CHST10: variants seen among roughly 807,000 people sequenced by gnomAD.
The protein encoded by CHST10 is carbohydrate sulfotransferase 10.
Under a neutral mutation model 34.7 loss-of-function variants are expected in CHST10, and 24 were observed. That is an observed-to-expected ratio of 0.69 (90% CI 0.50 to 0.97). The LOEUF (loss-of-function observed/expected upper bound fraction) is 0.97, where lower values mean the gene tolerates loss of function less well. Ranked by LOEUF, CHST10 falls within the 50% of genes least tolerant of loss-of-function variation. The probability of loss-of-function intolerance (pLI) is 0.00; values close to 1 mark genes in which losing one functional copy is unlikely to be tolerated. For missense variants in CHST10, 402 were observed against 452.1 expected (o/e 0.89, Z 1.00); for synonymous variants, 161 against 169.3 (o/e 0.95, Z 0.38).
At chr2:100,406,292 G>A (rs1306052490) in intron 3 of CHST10, among the ~76,000 whole-genome samples, 1 of 152,206 alleles carries the variant, frequency 6.6e-6, no homozygotes, top group Admixed American at 6.5e-5. Context: ...GTGCTGCTGG[G>A]AGGAGACCCT....
At chr2:100,416,688 A>AAACAACAACAACAACAAC (rs140248946) in intron 1 of CHST10, 18 of 324,712 alleles carry the variant, frequency 5.5e-5, no homozygotes, top group African/African-American at 3.0e-4. Context: ...TTTTCAGACA[A>AAACAACAACAACAACAAC]AACAACAACA....
At chr2:100,407,223 G>C (rs1278550855) in intron 2 of CHST10, among the ~76,000 whole-genome samples, 2 of 152,196 alleles carry the variant, frequency 1.3e-5, no homozygotes, top group East Asian at 1.9e-4. Flanking sequence ...AAAAAGCAAA[G>C]GAATGAACAC....
In CHST10 at chr2:100,417,067, C is replaced by A. The variant is rs761398069; in HGVS notation, c.-104+307G>T. 3 of 1,303,826 alleles carry A rather than the reference C, an allele frequency of 2.3e-6. No homozygotes were observed. The South Asian group carries it at 3.7e-5, about 16-fold the overall frequency. The allele number at this position is 1,303,826 out of a possible 1,614,324, so 80.8% of individuals were successfully genotyped here. A position where few individuals can be genotyped will look rare whatever the true frequency, so the allele number is the denominator to read the frequency against. ...CAAGCTGAACCCTTTCTTCCTCTCT[C>A]CATCTACAATTACAAACGCAAATTC... On this transcript the variant is annotated intron_variant, in intron 1 of 6. Coordinates refer to ENST00000264249, the MANE Select transcript of CHST10 (RefSeq NM_004854.5).
chr2:100,415,724 G>GA (rs1676039226), intron 1 of CHST10: 1 of 152,262 alleles, frequency 6.6e-6, no homozygotes, highest in Non-Finnish European at 1.5e-5. Context: ...TATGTTGATT[G>GA]AAAGATTAAG....
chr2:100,415,094 T>C lies in CHST10; in HGVS notation c.-86A>G. ...TGCTGTGTTTCCCCTGAACTGAGGTTCTTGGTTCCTCTTGTCACTGGATAG... is the reference window on the plus strand; with the variant it reads ...TGCTGTGTTTCCCCTGAACTGAGGTCCTTGGTTCCTCTTGTCACTGGATAG... On this transcript the variant is annotated 5_prime_UTR_variant, in exon 2 of 7. Coordinates refer to ENST00000264249, the MANE Select transcript of CHST10 (RefSeq NM_004854.5). 7.7e-7 allele frequency: 1 copy of C among 1,301,584 alleles called. No individual in the cohort carries two copies. The highest frequency in any genetic ancestry group is 1.2e-5 in the South Asian group (1 of 80,136). The allele number at this position is 1,301,584 out of a possible 1,614,324, so 80.6% of individuals were successfully genotyped here.
chr2:100,402,464 G>T, intron 4 of CHST10, 100 bp downstream of exon 4: 1 of 866,664 alleles, frequency 1.2e-6, no homozygotes, highest in Non-Finnish European at 1.9e-6. Context: ...CTCTAACGCA[G>T]ACGTGATGAC....
Position 100,392,879 on chromosome 2 carries a change from ACCTCAGG to A in CHST10, c.*359_*365del. 8.6e-6 allele frequency: 2 copies of A among 233,044 alleles called. No individual in the cohort carries two copies. The highest frequency in any genetic ancestry group is 5.1e-5 in the Admixed American group (1 of 19,798). 14.4% of individuals were successfully genotyped at this position (233,044 alleles called of 1,614,324 possible). On this transcript the variant is annotated 3_prime_UTR_variant, in exon 7 of 7. Transcript: ENST00000264249. ...GAAGCCACCCTGACTAGCCAGGAGA[ACCTCAGG>A]GGCATCCCCTTCCTTAACACCTGAA...
intron 4 of CHST10, among the ~76,000 whole-genome samples, chr2:100,402,170 T>C (rs1023129925): frequency 5.9e-5 from 9 of 152,198 alleles, no homozygotes; most frequent in Non-Finnish European, 1.3e-4. Flanking sequence ...ATTTGGAGGC[T>C]GAATTAGTTG....
chr2:100,394,292 T>C (rs1558632594), intron 6 of CHST10, among the ~76,000 whole-genome samples: 2 of 152,086 alleles, frequency 1.3e-5, no homozygotes, highest in South Asian at 4.1e-4. Flanking sequence ...GGAGCAGGTC[T>C]GGGTGAGCTG....
intron 4 of CHST10, among the ~76,000 whole-genome samples, chr2:100,398,834 A>G (rs1276198604): frequency 6.6e-6 from 1 of 152,214 alleles, no homozygotes; most frequent in Non-Finnish European, 1.5e-5. Flanking sequence ...AGAACCTAAG[A>G]GAATACCTGT....
intron 4 of CHST10, among the ~76,000 whole-genome samples, chr2:100,402,277 T>C (rs1675374708): frequency 6.6e-6 from 1 of 152,056 alleles, no homozygotes; most frequent in Non-Finnish European, 1.5e-5. Flanking sequence ...CCCAATACTC[T>C]CGGCTCCCCA....
intron 1 of CHST10, chr2:100,417,034 C>T (rs1000441620): frequency 4.9e-5 from 64 of 1,304,246 alleles, no homozygotes; most frequent in Non-Finnish European, 6.5e-5. Flanking sequence ...CTGCATGCTC[C>T]TTGGACCCAA....
At chr2:100,398,840 C>T (rs1345905568) in intron 4 of CHST10, among the ~76,000 whole-genome samples, 3 of 152,142 alleles carry the variant, frequency 2.0e-5, no homozygotes, top group African/African-American at 4.8e-5. Context: ...TAAGAGAATA[C>T]CTGTAATGTG....
At chr2:100,398,763 G>A (rs1675195602) in intron 4 of CHST10, among the ~76,000 whole-genome samples, 1 of 152,136 alleles carries the variant, frequency 6.6e-6, no homozygotes, top group Non-Finnish European at 1.5e-5. Flanking sequence ...CTCTAGCTAG[G>A]GGGAAAAAGA....
chr2:100,409,696 A>G (rs959674577), intron 2 of CHST10, among the ~76,000 whole-genome samples: 3 of 152,066 alleles, frequency 2.0e-5, no homozygotes, highest in African/African-American at 7.3e-5. Context: ...TCGGGCTCCC[A>G]TTTTTCATCC....
intron 3 of CHST10, 23 bp downstream of exon 3, chr2:100,406,553 G>A (rs752286662): frequency 2.9e-5 from 46 of 1,613,096 alleles, no homozygotes; most frequent in East Asian, 6.7e-5. Context: ...GCCAAAATTC[G>A]TTCCACCATG....
At position 100,393,498 on chromosome 2, in the gene CHST10, C is replaced by T; in HGVS notation, c.818G>A (p.Cys273Tyr). 6.2e-7 allele frequency: 1 copy of T among 1,614,134 alleles called. No homozygotes were observed. Among genetic ancestry groups the T allele is most frequent in the East Asian group, 2.2e-5 (1 of 44,868 alleles). ...WVTYVELCAP[C>Y]EIMYSVIGHH... Reference sequence around the variant, plus strand: ...TCCAATCACACTGTACATTATCTCACAGGGAGCACAGAGCTCTACATACGT... The same window carrying T: ...TCCAATCACACTGTACATTATCTCATAGGGAGCACAGAGCTCTACATACGT... The change falls in exon 7 of 7, where the codon TGT (cysteine) becomes TAT (tyrosine). Residue 273 changes from cysteine (C) to tyrosine (Y), a missense_variant. Physicochemically the swap from Cys to Tyr is radical, Grantham distance 194. Transcript: ENST00000264249.
chr2:100,415,193 G>C, intron 1 of CHST10, 82 bp from the exon 2 acceptor site: 2 of 800,360 alleles, frequency 2.5e-6, no homozygotes, highest in Non-Finnish European at 1.8e-6. Context: ...TTTATACTTA[G>C]GAAGGAAATA....
Position 100,406,794 on chromosome 2 carries a change from G to T in CHST10, c.-32-87C>A, listed in dbSNP as rs558311915. 190 of 1,523,854 alleles carry T rather than the reference G, an allele frequency of 1.2e-4. No individual in the cohort carries two copies. The African/African-American group carries it at 2.2e-3, about 18-fold the overall frequency. The allele number at this position is 1,523,854 out of a possible 1,614,324, so 94.4% of individuals were successfully genotyped here. ...TGAAAACGACAGGTGATTTCAGTCA[G>T]TAAGTATCAGCACAAATATTTCCGT... is the stretch of plus-strand genomic sequence containing the variant. On this transcript the variant is annotated intron_variant, in intron 2 of 6. Transcript: ENST00000264249.
Sources: gnomAD v4.1 joint callset for allele counts (sites outside exome capture counted in the v4.1 genomes callset) on GRCh38, gnomAD v4.1.1 for gene constraint, MANE v1.5 for transcripts, NCBI Gene and HGNC (gene_info 2026-07-23, HGNC 2026-07-21) for gene names.